Variants in CKAP5 observed in about 807,000 individuals in gnomAD.
The protein encoded by CKAP5 is cytoskeleton-associated protein 5.
Under a neutral mutation model 232.8 loss-of-function variants are expected in CKAP5, and 27 were observed. The ratio of observed to expected loss-of-function variants is 0.12; its 90% CI spans 0.09 to 0.16. The LOEUF is 0.16. Among genes scored for constraint, CKAP5 ranks in the 10% least tolerant of loss-of-function variants. The probability of loss-of-function intolerance (pLI) is 1.00; values close to 1 mark genes in which losing one functional copy is unlikely to be tolerated. For missense variants in CKAP5, 1,838 were observed against 2,424.7 expected, an observed-to-expected ratio of 0.76 and a Z score of 5.08; for synonymous variants, 785 against 841.1, an observed-to-expected ratio of 0.93 and a Z score of 1.16.
At chr11:46,801,703 T>G (rs898210760) in intron 8 of CKAP5, among the ~76,000 whole-genome samples, 1 of 152,152 alleles carries the variant, frequency 6.6e-6, no homozygotes, top group African/African-American at 2.4e-5. Context: ...GCTCTTATGC[T>G]AATATATGAC....
chr11:46,793,419 C>A (rs1938787390), intron 13 of CKAP5, among the ~76,000 whole-genome samples: 1 of 152,198 alleles, frequency 6.6e-6, no homozygotes, highest in Non-Finnish European at 1.5e-5. Flanking sequence ...AGGACACATG[C>A]TCATTAAAAG....
chr11:46,762,729 C>T lies in CKAP5; in HGVS notation c.3925G>A (p.Val1309Ile), dbSNP rs929940378. 1 of 1,613,872 alleles carries T rather than the reference C, an allele frequency of 6.2e-7. No individual in the cohort carries two copies. Among genetic ancestry groups the T allele is most frequent in the African/African-American group, 1.3e-5 (1 of 74,922 alleles). The change falls in exon 31 of 44, where the codon GTT becomes ATT. Residue 1309 changes from valine (V) to isoleucine (I), a missense_variant. Around this residue, in one of 6 missense-constraint regions of CKAP5, gnomAD observed 579 missense variants for 843.2 expected, o/e 0.69. Transcript: ENST00000529230. Reference protein sequence around the residue: ...GEPKDVIRKDVRAILNRMCLV... With the variant: ...GEPKDVIRKDIRAILNRMCLV... ...CACATCCGGTTCAGGATGGCACGAA[C>T]ATCTTTACGAATGACATCCTTTGGT...
At chr11:46,835,197 T>A (rs1280397566) in intron 1 of CKAP5, among the ~76,000 whole-genome samples, 1 of 151,746 alleles carries the variant, frequency 6.6e-6, no homozygotes, top group Non-Finnish European at 1.5e-5. Context: ...AAATAAAATA[T>A]CAACTAAAAA....
intron 26 of CKAP5, 138 bp from the exon 27 acceptor site, chr11:46,767,801 T>C (rs946489555): frequency 1.8e-6 from 1 of 549,930 alleles, no homozygotes; most frequent in African/African-American, 1.9e-5. Flanking sequence ...AGTTAGTTTT[T>C]TTTTTATGAG....
chr11:46,818,175 T>TATCA (rs1939447521), intron 3 of CKAP5, 135 bp downstream of exon 3: 2 of 565,748 alleles, frequency 3.5e-6, no homozygotes, highest in East Asian at 6.6e-5. Context: ...GAAAAACAAG[T>TATCA]ATCAAGAAAC....
At chr11:46,751,874 G>A (rs2065066947) in intron 38 of CKAP5, among the ~76,000 whole-genome samples, 1 of 151,860 alleles carries the variant, frequency 6.6e-6, no homozygotes, top group Non-Finnish European at 1.5e-5. Flanking sequence ...CAAATCTAAT[G>A]CAAGGGGACA....
intron 5 of CKAP5, among the ~76,000 whole-genome samples, 199 bp from the exon 6 acceptor site, chr11:46,810,073 G>C (rs1021577099): frequency 9.9e-5 from 15 of 151,954 alleles, no homozygotes; most frequent in African/African-American, 2.7e-4. Flanking sequence ...TTGGGTTCAA[G>C]CAATTCCCGT....
intron 8 of CKAP5, among the ~76,000 whole-genome samples, chr11:46,805,248 T>A (rs868178959): frequency 6.0e-5 from 9 of 150,740 alleles, no homozygotes; most frequent in Non-Finnish European, 1.3e-4. Context: ...AATAAATACA[T>A]CAATTAAAAA....
chr11:46,845,967 G>C (rs1234757548), intron 1 of CKAP5, among the ~76,000 whole-genome samples: 3 of 151,712 alleles, frequency 2.0e-5, no homozygotes, highest in African/African-American at 7.2e-5. Context: ...CCCGCGCCAC[G>C]CTGCGGCGCG....
At chr11:46,808,286 A>C in intron 7 of CKAP5, 142 bp from the exon 8 acceptor site, 1 of 556,542 alleles carries the variant, frequency 1.8e-6, no homozygotes, top group South Asian at 2.4e-5. Context: ...TCACGCCTGT[A>C]ATCCCAGCAC....
At chr11:46,785,799 G>A (rs1167808656) in intron 16 of CKAP5, among the ~76,000 whole-genome samples, 3 of 152,150 alleles carry the variant, frequency 2.0e-5, no homozygotes, top group Non-Finnish European at 4.4e-5. Flanking sequence ...ACAAAAATTA[G>A]TTGGGTATGG....
At chr11:46,779,463 T>C (rs762515947) in intron 20 of CKAP5, among the ~76,000 whole-genome samples, 1 of 151,756 alleles carries the variant, frequency 6.6e-6, no homozygotes, top group African/African-American at 2.4e-5. Flanking sequence ...AACTCTTCCA[T>C]GGATACTTTA....
intron 26 of CKAP5, among the ~76,000 whole-genome samples, chr11:46,769,719 CA>C (rs375893824): frequency 9.9e-5 from 15 of 150,954 alleles, no homozygotes; most frequent in African/African-American, 3.2e-4. Flanking sequence ...AAAACAAAAA[CA>C]AAAAAAACTT....
chr11:46,754,203 T>C (rs1592434165), intron 36 of CKAP5, among the ~76,000 whole-genome samples: 2 of 152,228 alleles, frequency 1.3e-5, no homozygotes, highest in East Asian at 3.9e-4. Context: ...TTCACCATCT[T>C]GGCCAGGCTG....
In CKAP5 at chr11:46,809,847, T is replaced by C; in HGVS notation, c.658A>G (p.Lys220Glu). The change falls in exon 6 of 44, where the codon AAA becomes GAA. Residue 220 changes from lysine to glutamate, a missense_variant. Physicochemically the swap from Lys to Glu is moderately conservative, Grantham distance 56 (BLOSUM62 1). Transcript: ENST00000529230. Reference sequence around the variant, plus strand: ...GGTCTAGGAGCACTTGTTGGCAGTTTGACCCATTCTTCTTCTAGTTCTTTC... The same window carrying C: ...GGTCTAGGAGCACTTGTTGGCAGTTCGACCCATTCTTCTTCTAGTTCTTTC... The part of the protein sequence containing the change: ...QLKELEEEWV[K>E]LPTSAPRPTR... The C allele has an allele frequency of 6.2e-7, 1 of 1,611,050 alleles. No homozygotes were observed. Among genetic ancestry groups the C allele is most frequent in the Non-Finnish European group, 8.5e-7 (1 of 1,179,292 alleles).
intron 8 of CKAP5, among the ~76,000 whole-genome samples, chr11:46,805,026 A>G (rs1458399063): frequency 6.6e-6 from 1 of 151,680 alleles, no homozygotes; most frequent in African/African-American, 2.4e-5. Flanking sequence ...ACTTGAGGAC[A>G]GGAGTTCAAG....
chr11:46,747,340 C>T (rs1233265895), intron 42 of CKAP5, among the ~76,000 whole-genome samples: 1 of 152,006 alleles, frequency 6.6e-6, no homozygotes, highest in African/African-American at 2.4e-5. Context: ...GGCACAGTGG[C>T]TCATGCCTGG....
chr11:46,762,911 A>C, intron 30 of CKAP5, 65 bp downstream of exon 30: 2 of 1,495,726 alleles, frequency 1.3e-6, no homozygotes, highest in Non-Finnish European at 1.8e-6. Flanking sequence ...AGAGGAAATA[A>C]AAGTACAGAA....
At chr11:46,752,086 C>T (rs1480182708) in intron 38 of CKAP5, among the ~76,000 whole-genome samples, 1 of 148,854 alleles carries the variant, frequency 6.7e-6, no homozygotes, top group Non-Finnish European at 1.5e-5. Flanking sequence ...CTCCCTTTCA[C>T]TGTTTGAGGC....
Sources: gnomAD v4.1 joint callset for allele counts (sites outside exome capture counted in the v4.1 genomes callset) on GRCh38, gnomAD v4.1.1 for gene constraint, gnomAD v4.1.1 regional missense constraint, MANE v1.5 for transcripts, NCBI Gene and HGNC (gene_info 2026-07-23, HGNC 2026-07-21) for gene names.